The following MTHFD1L variants were observed in gnomAD, a reference collection of about 807,000 sequenced individuals.
MTHFD1L encodes the protein monofunctional C1-tetrahydrofolate synthase, mitochondrial.
A neutral mutation model predicts 119.5 loss-of-function variants in MTHFD1L; 81 were observed. The ratio of observed to expected loss-of-function variants is 0.68; its 90% confidence interval spans 0.57 to 0.82. MTHFD1L has a LOEUF of 0.82. Ranked by LOEUF, MTHFD1L falls within the 40% of genes least tolerant of loss-of-function variation. The pLI is 0.00. For missense variants in MTHFD1L, 1,125 were observed against 1,253.4 expected, an observed-to-expected ratio of 0.90 and a Z score of 1.55; for synonymous variants, 430 against 475.2, an observed-to-expected ratio of 0.90 and a Z score of 1.24.
At chr6:150,969,073 T>C (rs916921340) in intron 19 of MTHFD1L, among the ~76,000 whole-genome samples, 3 of 151,792 alleles carry the variant, frequency 2.0e-5, no homozygotes, top group Admixed American at 6.6e-5. Flanking sequence ...GGTCTCGAAC[T>C]CCTGACCTCA....
At chr6:151,017,017 C>T (rs1214777975) in intron 24 of MTHFD1L, among the ~76,000 whole-genome samples, 1 of 151,790 alleles carries the variant, frequency 6.6e-6, no homozygotes, top group African/African-American at 2.4e-5. Flanking sequence ...TCCGGCAGTC[C>T]ACCCGCCTCG....
Position 151,037,329 on chromosome 6 carries a change from G to A in MTHFD1L, c.2847+212G>A, listed in dbSNP as rs372458256. On this transcript the variant is annotated intron_variant, in intron 26 of 27. Transcript: ENST00000367321. ...TCTTTTTTTAGATCATGTGTTCAGG[G>A]TCCTTAGAGTCATAATACTAATTTC... is the stretch of plus-strand genomic sequence containing the variant. Among the ~76,000 whole-genome samples, 1,227 of 152,234 alleles carry A rather than the reference G, an allele frequency of 8.1e-3. 13 individuals carry two copies. Among genetic ancestry groups the A allele is most frequent in the African/African-American group, 0.027 (1,133 of 41,510 alleles).
intron 13 of MTHFD1L, among the ~76,000 whole-genome samples, chr6:150,942,640 A>G (rs578019542): frequency 4.9e-4 from 74 of 152,296 alleles, no homozygotes; most frequent in African/African-American, 1.7e-3. Context: ...TTAATGATGT[A>G]AAAATGCTTG....
chr6:151,016,515 G>A (rs1331164076), intron 24 of MTHFD1L, among the ~76,000 whole-genome samples: 5 of 150,612 alleles, frequency 3.3e-5, no homozygotes, highest in African/African-American at 1.2e-4. Context: ...TAGAGACGGG[G>A]TTTCACCATC....
intron 20 of MTHFD1L, among the ~76,000 whole-genome samples, chr6:150,980,001 C>A (rs111245581): frequency 6.6e-6 from 1 of 151,976 alleles, no homozygotes; most frequent in African/African-American, 2.4e-5. Context: ...AATCTGACGT[C>A]AAGTGATCCT....
intron 26 of MTHFD1L, among the ~76,000 whole-genome samples, chr6:151,077,920 A>G (rs2128628347): frequency 6.6e-6 from 1 of 150,608 alleles, no homozygotes; most frequent in Non-Finnish European, 1.5e-5. Context: ...GCGTGGTGGC[A>G]GGCGCCTGTA....
At chr6:150,985,660 C>CAAAAAAAAAAAAAA (rs71014533) in intron 20 of MTHFD1L, among the ~76,000 whole-genome samples, 14 of 78,906 alleles carry the variant, frequency 1.8e-4, no homozygotes, top group East Asian at 7.4e-4. Context: ...GACTCTGTCT[C>CAAAAAAAAAAAAAA]AAAAAAAAAA....
intron 20 of MTHFD1L, among the ~76,000 whole-genome samples, chr6:150,981,716 GTTA>G (rs1324859062): frequency 6.6e-6 from 1 of 152,176 alleles, no homozygotes; most frequent in African/African-American, 2.4e-5. Flanking sequence ...TCCAACAGAT[GTTA>G]TTATTGGTTC....
intron 19 of MTHFD1L, 88 bp from the exon 20 acceptor site, chr6:150,971,859 T>C (rs1798036852): frequency 9.1e-7 from 1 of 1,093,964 alleles, no homozygotes; most frequent in South Asian, 1.3e-5. Context: ...TCATAAAAGC[T>C]TTCCTACCCC....
intron 26 of MTHFD1L, among the ~76,000 whole-genome samples, chr6:151,066,731 T>C (rs970253976): frequency 6.6e-5 from 10 of 150,664 alleles, no homozygotes; most frequent in East Asian, 2.0e-4. Flanking sequence ...CGCCATTGCA[T>C]TCCAGCCTGG....
chr6:151,060,263 AGAT>A (rs1044352155), intron 26 of MTHFD1L, among the ~76,000 whole-genome samples: 2 of 152,200 alleles, frequency 1.3e-5, no homozygotes, highest in Non-Finnish European at 2.9e-5. Context: ...CACAATCCTC[AGAT>A]GAACGGAGAT....
chr6:151,071,615 C>A (rs895161495), intron 26 of MTHFD1L, among the ~76,000 whole-genome samples: 2 of 151,912 alleles, frequency 1.3e-5, no homozygotes, highest in Non-Finnish European at 2.9e-5. Flanking sequence ...AAATAAGGAG[C>A]TGACTTGCCC....
chr6:151,061,034 G>A (rs577887550), intron 26 of MTHFD1L, among the ~76,000 whole-genome samples: 15 of 152,162 alleles, frequency 9.9e-5, no homozygotes, highest in Non-Finnish European at 1.9e-4. Flanking sequence ...GAACAGGAGC[G>A]GGGAAGAGGG....
chr6:151,034,230 A>C (rs1380997497), intron 24 of MTHFD1L, among the ~76,000 whole-genome samples: 1 of 152,094 alleles, frequency 6.6e-6, no homozygotes, highest in Non-Finnish European at 1.5e-5. Flanking sequence ...AAAAATGGTT[A>C]CAACTAGATA....
intron 26 of MTHFD1L, among the ~76,000 whole-genome samples, chr6:151,064,686 T>C (rs543849389): frequency 1.3e-5 from 2 of 152,314 alleles, no homozygotes; most frequent in Non-Finnish European, 2.9e-5. Context: ...ATATTCACTA[T>C]TGTTCCCAAA....
chr6:150,955,979 A>T lies in MTHFD1L; in HGVS notation c.1727-16A>T. On this transcript the variant is annotated splice_polypyrimidine_tract_variant and intron_variant, in intron 16 of 27. Transcript: ENST00000367321. ...TCCATATTTGTCGACTGAATGACTAATCTGTTCTCTTTCAGTATTGGATAC... is the reference window on the plus strand; with the variant it reads ...TCCATATTTGTCGACTGAATGACTATTCTGTTCTCTTTCAGTATTGGATAC... 6.2e-7 allele frequency: 1 copy of T among 1,606,172 alleles called. No homozygotes were observed. Among genetic ancestry groups the T allele is most frequent in the East Asian group, 2.2e-5 (1 of 44,852 alleles).
At chr6:151,009,630 G>A (rs2128481157) in intron 20 of MTHFD1L, among the ~76,000 whole-genome samples, 189 bp from the exon 21 acceptor site, 1 of 152,302 alleles carries the variant, frequency 6.6e-6, no homozygotes, top group East Asian at 1.9e-4. Context: ...GGGAAGCAGA[G>A]GAGGGCGCAG....
chr6:150,935,271 CTG>C, intron 11 of MTHFD1L: 1 of 1,611,882 alleles, frequency 6.2e-7, no homozygotes, highest in Non-Finnish European at 8.5e-7. Context: ...GTTGTGGACT[CTG>C]TTGATGTCGA....
At chr6:151,061,837 G>A (rs901561555) in intron 26 of MTHFD1L, among the ~76,000 whole-genome samples, 4 of 152,146 alleles carry the variant, frequency 2.6e-5, no homozygotes, top group East Asian at 1.9e-4. Flanking sequence ...AGTCCCCAGC[G>A]ATGTGGCTTG....
Sources: allele counts gnomAD v4.1 joint callset (sites outside exome capture counted in the v4.1 genomes callset), GRCh38; gene constraint gnomAD v4.1.1; transcripts MANE v1.5; gene names NCBI Gene and HGNC (gene_info 2026-07-23, HGNC 2026-07-21).